NHSL1: variants seen among roughly 807,000 people sequenced by gnomAD.
The protein encoded by NHSL1 is NHS-like protein 1.
In NHSL1, 48 loss-of-function variants were observed where a neutral mutation model predicts 95.0. That is an observed-to-expected ratio of 0.51 (90% confidence interval 0.40 to 0.64). The LOEUF (loss-of-function observed/expected upper bound fraction) is 0.64. NHSL1 is among the 30% of genes least tolerant of loss of function. The pLI, the probability that NHSL1 is intolerant of heterozygous loss-of-function variation, is 0.00. For synonymous variants in NHSL1, 783 were observed against 833.9 expected (o/e 0.94, Z 1.05); for missense variants, 1,971 against 2,077.7 (o/e 0.95, Z 1.00).
At position 138,430,933 on chromosome 6, in the gene NHSL1, G is replaced by A. The variant is rs2128196624; in HGVS notation, c.3412C>T (p.Leu1138Phe). ...ESQPASVTSS[L>F]PTPAKSSSQG... ...CTCGAGCTCTTGGCAGGCGTCGGAA[G>A]CGAGCTTGTCACAGAGGCAGGCTGG... Residue 1138 changes from leucine (L) to phenylalanine (F), a missense_variant, in exon 6 of 8, where the codon CTT (leucine) becomes TTT (phenylalanine). Leu to Phe is a conservative substitution (Grantham distance 22). This residue lies in a region of NHSL1 where 1,602 missense variants were observed against 1,654.5 expected (regional missense o/e 0.97). Transcript: ENST00000343505. This position sits in a 1 kb window ranked among gnomAD's most constrained non-coding sequence, Gnocchi z 4.7. The A allele has an allele frequency of 6.4e-7, 1 of 1,551,676 alleles. No homozygotes were observed. The highest frequency in any genetic ancestry group is 8.7e-7 in the Non-Finnish European group (1 of 1,146,924).
At chr6:138,622,054 G>A (rs185178474) in intron 1 of NHSL1, among the ~76,000 whole-genome samples, 6 of 152,108 alleles carry the variant, frequency 3.9e-5, no homozygotes, top group South Asian at 2.1e-4. Context: ...CCTATGTAGC[G>A]GGCATTCAAA....
At chr6:138,512,947 T>C (rs1022297352) in intron 1 of NHSL1, among the ~76,000 whole-genome samples, 1 of 152,220 alleles carries the variant, frequency 6.6e-6, no homozygotes, top group South Asian at 2.1e-4. Context: ...GGTTTCCTAA[T>C]AAAATGCACC....
chr6:138,574,587 G>T (rs1031046239), upstream of NHSL1, among the ~76,000 whole-genome samples: 1 of 151,536 alleles, frequency 6.6e-6, no homozygotes, highest in African/African-American at 2.4e-5. Context: ...AGCACTTTGG[G>T]AGGCCAAGGT....
intron 1 of NHSL1, among the ~76,000 whole-genome samples, chr6:138,600,611 G>A (rs937087597): frequency 6.6e-6 from 1 of 152,116 alleles, no homozygotes; most frequent in Non-Finnish European, 1.5e-5. Flanking sequence ...TAAGCCATTT[G>A]TTTTTCATGA....
In NHSL1 at chr6:138,432,224, C is replaced by A. The variant is rs756823851; in HGVS notation, c.2121G>T (p.Ser707=). The A allele has an allele frequency of 2.6e-6, 4 of 1,546,910 alleles. No individual in the cohort carries two copies. Among genetic ancestry groups the A allele is most frequent in the Non-Finnish European group, 3.5e-6 (4 of 1,144,346 alleles). ...NESLIATLQH[S]LQLSLPGKSG... ...TCTTGCCTGGGAGGCTCAGCTGCAG[C>A]GAGTGCTGGAGTGTGGCGATCAGGC... Residue 707 remains serine (S), a synonymous_variant, in exon 6 of 8, where the codon TCG becomes TCT. Transcript: ENST00000343505. The surrounding 1 kb of genome is among the most constrained non-coding windows in gnomAD (Gnocchi z 4.4).
chr6:138,600,025 C>T (rs1024731462), intron 1 of NHSL1, among the ~76,000 whole-genome samples: 2 of 151,860 alleles, frequency 1.3e-5, no homozygotes, highest in African/African-American at 2.4e-5. Flanking sequence ...GCATCTGTAG[C>T]TCCAGCTACT....
chr6:138,650,657 A>T, intron 1 of NHSL1: 1 of 564,102 alleles, frequency 1.8e-6, no homozygotes, highest in Non-Finnish European at 3.6e-6. Flanking sequence ...CCCATCCCAC[A>T]AACTGGACCA....
chr6:138,613,572 C>T (rs1583449635), intron 1 of NHSL1, among the ~76,000 whole-genome samples: 1 of 152,320 alleles, frequency 6.6e-6, no homozygotes, highest in Non-Finnish European at 1.5e-5. Context: ...AGAGCTGGAA[C>T]TGAACAAATC....
intron 1 of NHSL1, among the ~76,000 whole-genome samples, chr6:138,600,168 T>C (rs1784353815): frequency 6.6e-6 from 1 of 152,160 alleles, no homozygotes; most frequent in East Asian, 1.9e-4. Flanking sequence ...AATTAATTAA[T>C]TAAAATGAAG....
At chr6:138,584,982 C>T (rs759446283) in intron 1 of NHSL1, among the ~76,000 whole-genome samples, 10 of 152,202 alleles carry the variant, frequency 6.6e-5, no homozygotes, top group African/African-American at 9.7e-5. Flanking sequence ...AACAGCTGTA[C>T]TCACCCTTGG....
Position 138,424,067 on chromosome 6 carries a change from T to G in NHSL1, c.*14A>C. ...TCTCCCCCCGTGTCACCTGGGAGAG[T>G]TACGTTCTTGGCCCTAACTCTCCTC... On this transcript the variant is annotated 3_prime_UTR_variant, in exon 8 of 8. Transcript: ENST00000343505. The surrounding 1 kb of genome is among the most constrained non-coding windows in gnomAD (Gnocchi z 5.9). 1 of 1,349,166 alleles carries G rather than the reference T, an allele frequency of 7.4e-7. No homozygotes were observed. The highest frequency in any genetic ancestry group is 9.5e-7 in the Non-Finnish European group (1 of 1,052,622). The allele number at this position is 1,349,166 out of a possible 1,614,324, so 83.6% of individuals were successfully genotyped here. A position where few individuals can be genotyped will look rare whatever the true frequency, so the allele number is the denominator to read the frequency against.
chr6:138,515,874 G>A (rs1024819871), intron 1 of NHSL1, among the ~76,000 whole-genome samples: 4 of 152,222 alleles, frequency 2.6e-5, no homozygotes, highest in African/African-American at 9.6e-5. Context: ...AGGGCATAAA[G>A]AAGACAGTGA....
intron 2 of NHSL1, among the ~76,000 whole-genome samples, chr6:138,479,015 A>G (rs1779258002): frequency 6.6e-6 from 1 of 152,218 alleles, no homozygotes; most frequent in Non-Finnish European, 1.5e-5. Flanking sequence ...GCATTAAGCT[A>G]TTCTTTAGTC....
intron 1 of NHSL1, among the ~76,000 whole-genome samples, chr6:138,570,500 T>C (rs1783798948): frequency 3.3e-5 from 5 of 152,192 alleles, no homozygotes. Context: ...ATTTTTAAGC[T>C]CAGAATCAGT....
chr6:138,615,352 T>C (rs558914436), intron 1 of NHSL1, among the ~76,000 whole-genome samples: 14 of 152,370 alleles, frequency 9.2e-5, no homozygotes, highest in Admixed American at 6.5e-4. Flanking sequence ...ATTCTATTCA[T>C]ACACATACTC....
At chr6:138,499,687 T>A (rs1780570164), upstream of NHSL1, among the ~76,000 whole-genome samples, 3 of 152,200 alleles carry the variant, frequency 2.0e-5, no homozygotes, top group Admixed American at 2.0e-4. Flanking sequence ...ACAAAAATAG[T>A]GCAGACTTTC....
At chr6:138,546,427 C>CAAAAAAAAAAAAAAAAAAAAAAAAAAA (rs1177720465), upstream of NHSL1, among the ~76,000 whole-genome samples, 4 of 50,950 alleles carry the variant, frequency 7.9e-5, no homozygotes, top group Admixed American at 3.3e-4. Context: ...CCCATCTCTA[C>CAAAAAAAAAAAAAAAAAAAAAAAAAAA]AAAAAAAAAA....
At chr6:138,586,450 T>C (rs1784136905) in intron 1 of NHSL1, among the ~76,000 whole-genome samples, 2 of 152,144 alleles carry the variant, frequency 1.3e-5, no homozygotes, top group South Asian at 4.1e-4. Context: ...CATAGGGAAT[T>C]ATAGCAGGGT....
chr6:138,439,171 C>T (rs1776369479), intron 5 of NHSL1, among the ~76,000 whole-genome samples: 1 of 152,140 alleles, frequency 6.6e-6, no homozygotes, highest in Non-Finnish European at 1.5e-5. Flanking sequence ...TAAATCCTTT[C>T]TAATTCATGG....
Sources: gnomAD v4.1 joint callset for allele counts (sites outside exome capture counted in the v4.1 genomes callset) on GRCh38, gnomAD v4.1.1 for gene constraint, gnomAD v4.1.1 regional missense constraint, Gnocchi (gnomAD v3.1) non-coding constraint, MANE v1.5 for transcripts, NCBI Gene and HGNC (gene_info 2026-07-23, HGNC 2026-07-21) for gene names.